Variants in RNF38 observed in about 807,000 individuals in gnomAD.
RNF38 encodes the protein ring finger protein 38.
In RNF38, 15 loss-of-function variants were observed where a neutral mutation model predicts 67.2. The observed-to-expected ratio is 0.22, with a 90% CI of 0.15 to 0.34. The LOEUF is 0.34. Ranked by LOEUF, RNF38 falls within the 10% of genes least tolerant of loss-of-function variation. The probability of loss-of-function intolerance (pLI) is 1.00; values close to 1 mark genes in which losing one functional copy is unlikely to be tolerated. For synonymous variants in RNF38, 220 were observed against 218.8 expected (o/e 1.01, Z -0.05); for missense variants, 524 against 639.9 (o/e 0.82, Z 1.95).
chr9:36,466,677 C>A (rs948669485), intron 1 of RNF38, among the ~76,000 whole-genome samples: 2 of 152,078 alleles, frequency 1.3e-5, no homozygotes, highest in African/African-American at 2.4e-5. Flanking sequence ...AGTTTCAGAA[C>A]AATATATATA....
chr9:36,463,092 T>C (rs765961493), intron 1 of RNF38, among the ~76,000 whole-genome samples: 14 of 152,186 alleles, frequency 9.2e-5, no homozygotes, highest in Non-Finnish European at 1.6e-4. Flanking sequence ...CCTGCTTTCA[T>C]TCTTTGCTTA....
At chr9:36,479,627 GACA>G (rs1840201925) in intron 1 of RNF38, among the ~76,000 whole-genome samples, 1 of 152,070 alleles carries the variant, frequency 6.6e-6, no homozygotes, top group Non-Finnish European at 1.5e-5. Context: ...AGGAAGTTTT[GACA>G]ACAAAAGCTA....
intron 1 of RNF38, among the ~76,000 whole-genome samples, chr9:36,446,073 T>C (rs1393377256): frequency 6.6e-6 from 1 of 152,208 alleles, no homozygotes; most frequent in Non-Finnish European, 1.5e-5. Flanking sequence ...AGCTTTGTGA[T>C]GTGCTACAAA....
chr9:36,479,416 TA>T, intron 1 of RNF38, among the ~76,000 whole-genome samples: 1 of 152,322 alleles, frequency 6.6e-6, no homozygotes, highest in Admixed American at 6.5e-5. Context: ...AATTTACTTG[TA>T]ATGACCAGCC....
rs756277317 is a variant in RNF38, at chr9:36,336,820, C to T, written c.*2932G>A. On this transcript the variant is annotated 3_prime_UTR_variant, in exon 12 of 12. Coordinates refer to ENST00000259605, the MANE Select transcript of RNF38 (RefSeq NM_022781.5). ...TCGGTAGATCTCATTCAAAATTATT[C>T]TAAGAGGCCCAAATTTAAGAATCTT... 1.3e-5 allele frequency: 2 copies of T among 152,328 alleles called. No homozygotes were observed. The highest frequency in any genetic ancestry group is 2.9e-5 in the Non-Finnish European group (2 of 68,008). 9.4% of individuals were successfully genotyped at this position (152,328 alleles called of 1,614,324 possible).
At chr9:36,448,939 A>G (rs1050407488) in intron 1 of RNF38, among the ~76,000 whole-genome samples, 1 of 152,178 alleles carries the variant, frequency 6.6e-6, no homozygotes, top group African/African-American at 2.4e-5. Flanking sequence ...GGTTGCAGTG[A>G]GCCAAGATTG....
At position 36,339,572 on chromosome 9, in the gene RNF38, CA is replaced by C. The variant is rs1832693895; in HGVS notation, c.*179del. ...AATCACACGGTTAGTATAACAATCC[CA>C]TAACTGTGAAGACTAATTGTAAGCT... is the stretch of plus-strand genomic sequence containing the variant. On this transcript the variant is annotated 3_prime_UTR_variant, in exon 12 of 12. Coordinates refer to ENST00000259605, the MANE Select transcript of RNF38 (RefSeq NM_022781.5). 7.1e-6 allele frequency: 4 copies of C among 562,904 alleles called. No individual in the cohort carries two copies. The South Asian group carries it at 1.0e-4, about 14-fold the overall frequency. 34.9% of individuals were successfully genotyped at this position (562,904 alleles called of 1,614,324 possible).
chr9:36,358,124 A>C lies in RNF38; in HGVS notation c.571-182T>G, dbSNP rs923075103. ...GTAGGGGAGAGTTGACTATTTCAAG[A>C]GTATATACTATTTCCACAAAATTGG... On this transcript the variant is annotated intron_variant, in intron 4 of 11. Transcript: ENST00000259605. Among the ~76,000 whole-genome samples, 3 of 152,192 alleles carry C rather than the reference A, an allele frequency of 2.0e-5. No individual in the cohort carries two copies. In the East Asian group the frequency reaches 5.8e-4, roughly 29 times the overall value.
Position 36,416,971 on chromosome 9 carries a change from C to T in RNF38, n.312+7642G>A, listed in dbSNP as rs564381743. Reference sequence around the variant, plus strand: ...TTCGCCACGTTAGCCAGGCTGGTCTCGAACTCCTGACTGCAGATGATCCAC... The same window carrying T: ...TTCGCCACGTTAGCCAGGCTGGTCTTGAACTCCTGACTGCAGATGATCCAC... On this transcript the variant is annotated intron_variant and non_coding_transcript_variant, in intron 2 of 3. Transcript: ENST00000488058. Among the ~76,000 whole-genome samples, 5 of 152,128 alleles carry T rather than the reference C, an allele frequency of 3.3e-5. No individual in the cohort carries two copies. The South Asian group carries it at 6.2e-4, about 19-fold the overall frequency.
chr9:36,408,994 C>T (rs970604124), intron 2 of RNF38, among the ~76,000 whole-genome samples: 1 of 152,140 alleles, frequency 6.6e-6, no homozygotes, highest in African/African-American at 2.4e-5. Context: ...CGAGGCCAGC[C>T]TGGCCAACAT....
chr9:36,406,395 T>C (rs2134180988), intron 2 of RNF38, among the ~76,000 whole-genome samples: 1 of 152,354 alleles, frequency 6.6e-6, no homozygotes, highest in Admixed American at 6.5e-5. Context: ...ACACTGTCAG[T>C]ACTGTTCTGC....
chr9:36,406,673 G>A (rs1480848643), intron 2 of RNF38, among the ~76,000 whole-genome samples: 3 of 152,210 alleles, frequency 2.0e-5, no homozygotes, highest in Non-Finnish European at 4.4e-5. Flanking sequence ...TCACAGCAGT[G>A]GCTGATTCTA....
In RNF38 at chr9:36,390,635, A is replaced by C; in HGVS notation, c.13-19T>G. ...GAGATATCTGGGAAAAAGAGGAAGA[A>C]AAGGATAGTTCATGGCTAGCTGCAC... is the stretch of plus-strand genomic sequence containing the variant. On this transcript the variant is annotated intron_variant, in intron 1 of 11. Transcript: ENST00000259605. 1 of 1,613,656 alleles carries C rather than the reference A, an allele frequency of 6.2e-7. No individual in the cohort carries two copies. Among genetic ancestry groups the C allele is most frequent in the Non-Finnish European group, 8.5e-7 (1 of 1,179,660 alleles).
chr9:36,487,659 G>T (rs1840454962), upstream of RNF38: 3 of 825,204 alleles, frequency 3.6e-6, no homozygotes, highest in Admixed American at 6.4e-5. Context: ...CGACGGAGGC[G>T]GCTCCCGAAG....
chr9:36,421,650 C>T (rs1249035461), intron 2 of RNF38, among the ~76,000 whole-genome samples: 10 of 151,250 alleles, frequency 6.6e-5, no homozygotes, highest in South Asian at 6.3e-4. Context: ...GCAGTAAGAG[C>T]GAAACTCTGT....
chr9:36,423,204 T>C (rs940807078), intron 2 of RNF38, among the ~76,000 whole-genome samples: 2 of 152,204 alleles, frequency 1.3e-5, no homozygotes, highest in African/African-American at 4.8e-5. Context: ...GGCTTGCCTT[T>C]GAAAGAAGTT....
intron 1 of RNF38, among the ~76,000 whole-genome samples, chr9:36,467,258 CAT>C (rs147432912): frequency 0.32 from 40,256 of 125,588 alleles, 6,812 homozygotes; most frequent in Non-Finnish European, 0.39. Context: ...CACACACACA[CAT>C]ATACACACAC....
At chr9:36,456,630 G>T (rs1587171624) in intron 1 of RNF38, among the ~76,000 whole-genome samples, 1 of 151,906 alleles carries the variant, frequency 6.6e-6, no homozygotes, top group Non-Finnish European at 1.5e-5. Flanking sequence ...CTGGGCTGAG[G>T]GTTTCTCTGG....
intron 2 of RNF38, among the ~76,000 whole-genome samples, chr9:36,422,227 T>C (rs1838646968): frequency 6.6e-6 from 1 of 151,952 alleles, no homozygotes; most frequent in Non-Finnish European, 1.5e-5. Flanking sequence ...GGAGACTCTA[T>C]CTCAAAATAA....
Sources: allele counts gnomAD v4.1 joint callset (sites outside exome capture counted in the v4.1 genomes callset), GRCh38; gene constraint gnomAD v4.1.1; transcripts MANE v1.5; gene names NCBI Gene and HGNC (gene_info 2026-07-23, HGNC 2026-07-21).